The following TRRAP variants were observed in gnomAD, a reference collection of about 807,000 sequenced individuals.
TRRAP encodes the protein transformation/transcription domain-associated protein.
A neutral mutation model predicts 438.8 loss-of-function variants in TRRAP; 41 were observed. That is an observed-to-expected ratio of 0.09 (90% CI 0.07 to 0.12). The LOEUF (loss-of-function observed/expected upper bound fraction) is 0.12, where lower values mean the gene tolerates loss of function less well. TRRAP is among the 10% of genes least tolerant of loss of function. The pLI, the probability that TRRAP is intolerant of heterozygous loss-of-function variation, is 1.00. For synonymous variants in TRRAP, 1,994 were observed against 1,962.9 expected, an observed-to-expected ratio of 1.02 and a Z score of -0.42; for missense variants, 3,122 against 5,055.1, an observed-to-expected ratio of 0.62 and a Z score of 11.60.
chr7:99,009,828 C>T (rs1281109782), intron 70 of TRRAP, among the ~76,000 whole-genome samples: 1 of 151,850 alleles, frequency 6.6e-6, no homozygotes, highest in East Asian at 1.9e-4. Context: ...AGCTTCAGAG[C>T]CGCTTCCTCC....
At chr7:98,955,398 G>C (rs1451867013) in intron 41 of TRRAP, 94 bp downstream of exon 41, 4 of 1,330,328 alleles carry the variant, frequency 3.0e-6, no homozygotes, top group Non-Finnish European at 4.1e-6. Flanking sequence ...TCAGGTGGTC[G>C]TTCATCTTTT....
chr7:98,982,332 A>G (rs367928989), intron 59 of TRRAP, among the ~76,000 whole-genome samples: 10 of 152,196 alleles, frequency 6.6e-5, no homozygotes, highest in Non-Finnish European at 1.0e-4. Context: ...TCTGAATGTA[A>G]TGAGTTAAAT....
chr7:98,999,452 G>C (rs1435498120), intron 67 of TRRAP: 7 of 864,774 alleles, frequency 8.1e-6, no homozygotes, highest in South Asian at 6.8e-5. Context: ...GGAGGGGCTT[G>C]AGCTATCCTT....
chr7:99,006,307 T>C (rs1488737384), intron 69 of TRRAP, among the ~76,000 whole-genome samples: 3 of 152,256 alleles, frequency 2.0e-5, no homozygotes, highest in Non-Finnish European at 4.4e-5. Context: ...AAAGCTGTGA[T>C]CAGCCCCTTT....
intron 4 of TRRAP, 58 bp downstream of exon 4, chr7:98,890,503 G>T: frequency 7.8e-7 from 1 of 1,274,776 alleles, no homozygotes; most frequent in South Asian, 1.6e-5. Flanking sequence ...GACCAGTTAC[G>T]AATTAACTCA....
intron 48 of TRRAP, 31 bp from the exon 49 acceptor site, chr7:98,965,665 C>G (rs1792121260): frequency 5.6e-6 from 9 of 1,613,100 alleles, no homozygotes; most frequent in Non-Finnish European, 6.8e-6. Context: ...GTTTAGAGAC[C>G]CGTGGGTTTG....
At chr7:98,898,953 C>T (rs1471613774) in intron 8 of TRRAP, among the ~76,000 whole-genome samples, 3 of 152,114 alleles carry the variant, frequency 2.0e-5, no homozygotes, top group African/African-American at 7.2e-5. Context: ...TTCGGGAGAC[C>T]AAGGTGGGCA....
chr7:98,945,276 A>T (rs1416544523), intron 31 of TRRAP, among the ~76,000 whole-genome samples: 1 of 152,158 alleles, frequency 6.6e-6, no homozygotes. Flanking sequence ...TTTTAGGAAG[A>T]CTGCTTACTT....
chr7:98,983,746 G>A (rs567295484), intron 60 of TRRAP, among the ~76,000 whole-genome samples: 14 of 152,224 alleles, frequency 9.2e-5, no homozygotes, highest in African/African-American at 2.4e-4. Flanking sequence ...GGCACTCTGC[G>A]TTGAAGGTCC....
intron 40 of TRRAP, among the ~76,000 whole-genome samples, chr7:98,954,174 C>T (rs1473201674): frequency 1.3e-5 from 2 of 151,858 alleles, no homozygotes; most frequent in African/African-American, 2.4e-5. Flanking sequence ...TTGGGCACCC[C>T]GGGTTTGAGG....
chr7:98,906,148 G>T (rs1251625288), intron 12 of TRRAP, 29 bp from the exon 13 acceptor site: 1 of 1,603,956 alleles, frequency 6.2e-7, no homozygotes, highest in South Asian at 1.1e-5. Flanking sequence ...TTTTGTTAGT[G>T]ATCTGTGCAA....
rs552526080 is a variant in TRRAP, at chr7:99,005,045, C to G, written c.10536-86C>G. 1 of 1,381,290 alleles carries G rather than the reference C, an allele frequency of 7.2e-7. No individual in the cohort carries two copies. Among genetic ancestry groups the G allele is most frequent in the Non-Finnish European group, 1.0e-6 (1 of 982,908 alleles). 85.6% of individuals were successfully genotyped at this position (1,381,290 alleles called of 1,614,324 possible). On this transcript the variant is annotated intron_variant, in intron 68 of 72. Coordinates refer to ENST00000456197, the MANE Select transcript of TRRAP (RefSeq NM_001375524.1). This position sits in a 1 kb window ranked among gnomAD's most constrained non-coding sequence, Gnocchi z 5.1. ...GCCTACACAGTCCGTTTTCCCGTGA[C>G]AGTTCGGACATTCCTAGCTTCTTCT...
Position 98,958,096 on chromosome 7 carries a change from G to A in TRRAP, c.6342+5G>A. ...CTTATCCGCGTGGCCTGTCAGGTAC[G>A]GGATCCAAGTGCCCTGCGTTAGGGC... is the stretch of plus-strand genomic sequence containing the variant. On this transcript the variant is annotated splice_donor_5th_base_variant and intron_variant, in intron 44 of 72. Coordinates refer to ENST00000456197, the MANE Select transcript of TRRAP (RefSeq NM_001375524.1). 6.2e-7 allele frequency: 1 copy of A among 1,613,214 alleles called. No homozygotes were observed.
chr7:99,009,880 CTTTTTTTTTTT>C (rs138174570), intron 70 of TRRAP, among the ~76,000 whole-genome samples: 1 of 96,694 alleles, frequency 1.0e-5, no homozygotes, highest in Non-Finnish European at 1.9e-5. Flanking sequence ...TCATTCTTCT[CTTTTTTTTTTT>C]TTTTTTTTTT....
At position 98,923,463 on chromosome 7, in the gene TRRAP, G is replaced by A. The variant is rs150463801; in HGVS notation, c.2823+1510G>A. ...CCATGAGGTAAAGGGAAAGATGAGCGTGGCTAAGCCAAGTGCCAGTGAGTT... is the reference window on the plus strand; with the variant it reads ...CCATGAGGTAAAGGGAAAGATGAGCATGGCTAAGCCAAGTGCCAGTGAGTT... On this transcript the variant is annotated intron_variant, in intron 21 of 72. Transcript: ENST00000456197. Among the ~76,000 whole-genome samples the A allele has an allele frequency of 3.9e-5, 6 of 152,372 alleles. No homozygotes were observed. The East Asian group carries it at 9.6e-4, about 24-fold the overall frequency.
At chr7:98,902,861 C>T (rs1284309401) in intron 11 of TRRAP, among the ~76,000 whole-genome samples, 1 of 147,006 alleles carries the variant, frequency 6.8e-6, no homozygotes, top group South Asian at 2.1e-4. Flanking sequence ...TTGCTTGAGC[C>T]CAGGAGTTGG....
chr7:98,962,251 G>C, intron 46 of TRRAP, 51 bp from the exon 47 acceptor site: 1 of 1,612,694 alleles, frequency 6.2e-7, no homozygotes, highest in Non-Finnish European at 8.5e-7. Context: ...CATCAGCACT[G>C]GTGGGCCCAA....
intron 3 of TRRAP, among the ~76,000 whole-genome samples, chr7:98,887,018 C>T (rs1456771373): frequency 6.6e-6 from 1 of 152,154 alleles, no homozygotes; most frequent in Admixed American, 6.5e-5. Flanking sequence ...CTTCCTGCTT[C>T]GGCCCCCAAG....
chr7:98,970,387 C>G, intron 52 of TRRAP, 96 bp downstream of exon 52: 1 of 1,436,878 alleles, frequency 7.0e-7, no homozygotes, highest in Non-Finnish European at 9.3e-7. Flanking sequence ...ACCCCGTGCC[C>G]CACGGGCAGA....
Sources: gnomAD v4.1 joint callset for allele counts (sites outside exome capture counted in the v4.1 genomes callset) on GRCh38, gnomAD v4.1.1 for gene constraint, Gnocchi (gnomAD v3.1) non-coding constraint, MANE v1.5 for transcripts, NCBI Gene and HGNC (gene_info 2026-07-23, HGNC 2026-07-21) for gene names.